The following ENPP6 variants were observed in gnomAD, a reference collection of about 807,000 sequenced individuals.
ENPP6 encodes ectonucleotide pyrophosphatase/phosphodiesterase 6.
In ENPP6, 32 loss-of-function variants were observed where a neutral mutation model predicts 42.0. The ratio of observed to expected loss-of-function variants is 0.76; its 90% confidence interval spans 0.58 to 1.02. ENPP6 has a LOEUF of 1.02. Ranked by LOEUF, ENPP6 falls within the 50% of genes least tolerant of loss-of-function variation. The pLI is 0.00. For missense variants in ENPP6, 552 were observed against 566.8 expected, an observed-to-expected ratio of 0.97 and a Z score of 0.27; for synonymous variants, 213 against 216.0, an observed-to-expected ratio of 0.99 and a Z score of 0.12.
chr4:184,113,025 C>T (rs1212771871), intron 5 of ENPP6, among the ~76,000 whole-genome samples: 2 of 152,208 alleles, frequency 1.3e-5, no homozygotes, highest in Non-Finnish European at 2.9e-5. Context: ...CACTCTCTCA[C>T]CTAAGAAGTT....
At chr4:184,154,824 G>T (rs2111079080) in intron 1 of ENPP6, among the ~76,000 whole-genome samples, 1 of 152,204 alleles carries the variant, frequency 6.6e-6, no homozygotes, top group South Asian at 2.1e-4. Context: ...ACATTAAAAA[G>T]ATTAATACAA....
intron 6 of ENPP6, 55 bp from the exon 7 acceptor site, chr4:184,097,423 G>T: frequency 6.2e-7 from 1 of 1,602,812 alleles, no homozygotes; most frequent in African/African-American, 1.3e-5. Flanking sequence ...GGCGCTGAGC[G>T]GGCATCTGCT....
chr4:184,136,755 T>C (rs879299969), intron 2 of ENPP6, among the ~76,000 whole-genome samples: 2 of 152,248 alleles, frequency 1.3e-5, no homozygotes, highest in Admixed American at 6.5e-5. Context: ...TGGCTTCTTT[T>C]AAGATTTTCT....
chr4:184,118,569 C>T (rs1482537431), intron 3 of ENPP6, among the ~76,000 whole-genome samples: 1 of 152,162 alleles, frequency 6.6e-6, no homozygotes, highest in Non-Finnish European at 1.5e-5. Flanking sequence ...TTTGTGATGC[C>T]TGTGATTCAG....
chr4:184,189,371 C>G (rs188370442), intron 1 of ENPP6, among the ~76,000 whole-genome samples: 8 of 152,328 alleles, frequency 5.3e-5, no homozygotes, highest in Admixed American at 5.2e-4. Context: ...TCTAACCCCA[C>G]AAATCCTACC....
chr4:184,131,175 T>TTCTGTCTGTCTGTCTGTCTG (rs1394410633), intron 2 of ENPP6, among the ~76,000 whole-genome samples: 1 of 59,944 alleles, frequency 1.7e-5, no homozygotes, highest in African/African-American at 7.6e-5. Context: ...CTTTCTTTCT[T>TTCTGTCTGTCTGTCTGTCTG]TCTTTCTTTC....
chr4:184,161,645 A>T (rs1025312517), intron 1 of ENPP6, among the ~76,000 whole-genome samples: 4 of 147,556 alleles, frequency 2.7e-5, no homozygotes, highest in African/African-American at 9.8e-5. Context: ...CTCATTAATC[A>T]ATGAGTGGAT....
intron 1 of ENPP6, among the ~76,000 whole-genome samples, chr4:184,154,575 CTGT>C (rs1384371580): frequency 3.3e-5 from 5 of 152,228 alleles, no homozygotes; most frequent in African/African-American, 1.2e-4. Context: ...CTTTGTTTTA[CTGT>C]TGTTGTTTCT....
chr4:184,185,174 A>G (rs1732610487), intron 1 of ENPP6, among the ~76,000 whole-genome samples: 1 of 152,246 alleles, frequency 6.6e-6, no homozygotes, highest in Non-Finnish European at 1.5e-5. Context: ...CTGTCTTCAG[A>G]GTAGCCGGGA....
In ENPP6 at chr4:184,196,133, T is replaced by C. The variant is rs371831572; in HGVS notation, c.241+21446A>G. On this transcript the variant is annotated intron_variant, in intron 1 of 7. Transcript: ENST00000296741. ...CTCCTTGTCACCCCATCTCTGCCCC[T>C]TGGCTTGTGCCATGCTGTTCACCCA... Among the ~76,000 whole-genome samples, 11 of 152,380 alleles carry C rather than the reference T, an allele frequency of 7.2e-5. No individual in the cohort carries two copies. In the East Asian group the frequency reaches 1.2e-3, roughly 16 times the overall value.
At chr4:184,158,644 C>CAA (rs1737212055) in intron 1 of ENPP6, among the ~76,000 whole-genome samples, 1 of 152,126 alleles carries the variant, frequency 6.6e-6, no homozygotes, top group Non-Finnish European at 1.5e-5. Flanking sequence ...AGAGATATAA[C>CAA]AAAATATGAG....
intron 1 of ENPP6, among the ~76,000 whole-genome samples, chr4:184,165,058 G>A (rs1458961259): frequency 6.6e-6 from 1 of 152,174 alleles, no homozygotes; most frequent in Non-Finnish European, 1.5e-5. Context: ...GCATTCAGAG[G>A]AACACGTCAG....
At chr4:184,128,600 A>AC (rs1736543225) in intron 2 of ENPP6, among the ~76,000 whole-genome samples, 1 of 151,832 alleles carries the variant, frequency 6.6e-6, no homozygotes. Context: ...ATGGGCAAAA[A>AC]AAAAAACCTA....
chr4:184,131,796 A>AACACAC (rs140275578), intron 2 of ENPP6, among the ~76,000 whole-genome samples: 27,485 of 140,084 alleles, frequency 0.2, 2,658 homozygotes, highest in South Asian at 0.26. Context: ...GGACCAATAG[A>AACACAC]ACACACACAC....
intron 1 of ENPP6, among the ~76,000 whole-genome samples, chr4:184,209,064 T>G (rs1289190555): frequency 4.9e-4 from 73 of 147,782 alleles, no homozygotes; most frequent in African/African-American, 1.8e-3. Flanking sequence ...AGAAAGGACA[T>G]CCACACCAAA....
chr4:184,169,431 A>G (rs921899780), intron 1 of ENPP6, among the ~76,000 whole-genome samples: 5 of 152,052 alleles, frequency 3.3e-5, no homozygotes, highest in Admixed American at 6.5e-5. Context: ...GGGGAGGGTG[A>G]GTTCTGCTCT....
intron 2 of ENPP6, among the ~76,000 whole-genome samples, chr4:184,144,754 C>T (rs1211571992): frequency 6.6e-6 from 1 of 152,236 alleles, no homozygotes; most frequent in Non-Finnish European, 1.5e-5. Context: ...AGGCAGGACA[C>T]TGGAACCCCA....
rs141181688 is a variant in ENPP6, at chr4:184,176,873, G to C, written c.242-23140C>G. Among the ~76,000 whole-genome samples the C allele has an allele frequency of 6.2e-3, 943 of 152,318 alleles. 13 individuals are homozygous for C. Among genetic ancestry groups the C allele is most frequent in the African/African-American group, 0.022 (906 of 41,576 alleles). On this transcript the variant is annotated intron_variant, in intron 1 of 7. Transcript: ENST00000296741. ...GGGAACCTGGGCCTTGGCCTTGTGA[G>C]ACTCTGTCTCTAACTACAACCTTCT...
chr4:184,130,189 C>T (rs1186651716), intron 2 of ENPP6, among the ~76,000 whole-genome samples: 2 of 152,140 alleles, frequency 1.3e-5, no homozygotes. Context: ...CCTGGGTCTG[C>T]AGCAGCTGCC....
Sources: gnomAD v4.1 joint callset for allele counts (sites outside exome capture counted in the v4.1 genomes callset) on GRCh38, gnomAD v4.1.1 for gene constraint, MANE v1.5 for transcripts, NCBI Gene and HGNC (gene_info 2026-07-23, HGNC 2026-07-21) for gene names.